The following GRM7 variants were observed in gnomAD, a reference collection of about 807,000 sequenced individuals.
GRM7 encodes the protein glutamate metabotropic receptor 7.
In GRM7, 35 loss-of-function variants were observed where a neutral mutation model predicts 84.5. That is an observed-to-expected ratio of 0.41 (90% CI 0.32 to 0.55). The LOEUF is 0.55. GRM7 is among the 20% of genes least tolerant of loss of function. The pLI is 0.19. For missense variants in GRM7, 1,003 were observed against 1,194.6 expected (o/e 0.84, Z 2.36); for synonymous variants, 487 against 455.1 (o/e 1.07, Z -0.89).
At chr3:6,949,260 A>G (rs937340678) in intron 1 of GRM7, among the ~76,000 whole-genome samples, 40 of 152,192 alleles carry the variant, frequency 2.6e-4, no homozygotes, top group African/African-American at 9.7e-4. Flanking sequence ...GGTGGTGACA[A>G]AATCTCTCAG....
intron 1 of GRM7, among the ~76,000 whole-genome samples, chr3:7,056,300 C>A (rs1476575644): frequency 6.6e-6 from 1 of 151,980 alleles, no homozygotes; most frequent in African/African-American, 2.4e-5. Flanking sequence ...TGGTCAGTTT[C>A]TTTGCAGTTT....
chr3:7,247,509 G>A (rs1697811845), intron 2 of GRM7, among the ~76,000 whole-genome samples: 1 of 151,048 alleles, frequency 6.6e-6, no homozygotes, highest in African/African-American at 2.4e-5. Context: ...TGAGACAGGA[G>A]GATAACTTGA....
chr3:6,999,743 T>C (rs1694945708), intron 1 of GRM7, among the ~76,000 whole-genome samples: 1 of 152,068 alleles, frequency 6.6e-6, no homozygotes. Context: ...AAAAGCCCCT[T>C]ATAAAACCAC....
At chr3:7,593,533 C>G (rs965749168) in intron 8 of GRM7, among the ~76,000 whole-genome samples, 1 of 152,186 alleles carries the variant, frequency 6.6e-6, no homozygotes, top group African/African-American at 2.4e-5. Context: ...CTTACCTGGA[C>G]TCCTGTATTA....
At chr3:7,642,383 C>A (rs1698404706) in intron 8 of GRM7, among the ~76,000 whole-genome samples, 2 of 152,110 alleles carry the variant, frequency 1.3e-5, no homozygotes, top group Admixed American at 6.5e-5. Context: ...GCATATCGTG[C>A]ACTCTCATAG....
chr3:7,015,330 A>G (rs963614394), intron 1 of GRM7, among the ~76,000 whole-genome samples: 4 of 152,156 alleles, frequency 2.6e-5, no homozygotes, highest in African/African-American at 7.2e-5. Context: ...GAAGGAACCA[A>G]CTGTGGATGC....
At chr3:6,925,068 G>A (rs62235402) in intron 1 of GRM7, among the ~76,000 whole-genome samples, 11,070 of 152,216 alleles carry the variant, frequency 0.073, 555 homozygotes, top group Non-Finnish European at 0.11. Flanking sequence ...AGATATGAGT[G>A]GGGAGAATGG....
intron 8 of GRM7, among the ~76,000 whole-genome samples, chr3:7,652,701 T>C (rs1457428340): frequency 1.3e-5 from 2 of 152,212 alleles, no homozygotes; most frequent in Non-Finnish European, 2.9e-5. Flanking sequence ...AAACCACCCA[T>C]TATGGTTGGC....
intron 3 of GRM7, among the ~76,000 whole-genome samples, chr3:7,301,255 C>T (rs954431037): frequency 6.6e-6 from 1 of 152,106 alleles, no homozygotes; most frequent in African/African-American, 2.4e-5. Context: ...AGAACTGATC[C>T]TGATTCTGAT....
intron 1 of GRM7, among the ~76,000 whole-genome samples, chr3:6,864,760 G>A (rs1422268670): frequency 1.3e-5 from 2 of 152,190 alleles, no homozygotes; most frequent in African/African-American, 2.4e-5. Flanking sequence ...GAGCACTGAA[G>A]GGAAGGAGGG....
At chr3:6,870,506 C>T (rs75251995) in intron 1 of GRM7, among the ~76,000 whole-genome samples, 2,547 of 152,190 alleles carry the variant, frequency 0.017, 34 homozygotes, top group Non-Finnish European at 0.025. Context: ...GCAAGGCCAT[C>T]GCAGGCATTT....
At chr3:7,523,282 A>C (rs893417495) in intron 7 of GRM7, among the ~76,000 whole-genome samples, 3 of 152,108 alleles carry the variant, frequency 2.0e-5, no homozygotes, top group Non-Finnish European at 4.4e-5. Context: ...GGGGCAATTG[A>C]TATACAGAAA....
intron 4 of GRM7, among the ~76,000 whole-genome samples, chr3:7,403,751 A>G (rs2125162904): frequency 6.6e-6 from 1 of 150,630 alleles, no homozygotes; most frequent in African/African-American, 2.4e-5. Context: ...ATATGTGAAT[A>G]TATTTGTATA....
At chr3:7,204,279 T>C (rs1346621043) in intron 2 of GRM7, among the ~76,000 whole-genome samples, 1 of 152,176 alleles carries the variant, frequency 6.6e-6, no homozygotes, top group African/African-American at 2.4e-5. Context: ...GGAGGAGAGA[T>C]GATCTCTTTC....
At chr3:7,415,272 T>G (rs946553225) in intron 5 of GRM7, 109 bp downstream of exon 5, 1 of 934,422 alleles carries the variant, frequency 1.1e-6, no homozygotes, top group Non-Finnish European at 1.6e-6. Flanking sequence ...AAAAAGTAAA[T>G]TAAATTTTAC....
intron 8 of GRM7, among the ~76,000 whole-genome samples, chr3:7,580,481 G>T (rs1307339708): frequency 6.6e-6 from 1 of 152,152 alleles, no homozygotes; most frequent in South Asian, 2.1e-4. Flanking sequence ...GTGTATCCAG[G>T]AATTAGATTA....
At chr3:7,067,085 A>G (rs558042462) in intron 1 of GRM7, among the ~76,000 whole-genome samples, 1 of 152,080 alleles carries the variant, frequency 6.6e-6, no homozygotes, top group African/African-American at 2.4e-5. Context: ...GGAAAAGTTA[A>G]AAGCATTCCC....
At chr3:7,538,793 A>G (rs1034378110) in intron 7 of GRM7, among the ~76,000 whole-genome samples, 3 of 152,178 alleles carry the variant, frequency 2.0e-5, no homozygotes, top group African/African-American at 7.2e-5. Context: ...CGCAGGTGCA[A>G]CCTATCATGG....
chr3:6,961,137 A>G (rs972074466), intron 1 of GRM7, among the ~76,000 whole-genome samples: 6 of 152,162 alleles, frequency 3.9e-5, no homozygotes, highest in Non-Finnish European at 1.5e-5. Context: ...TCAGCCACTC[A>G]TTCCTTTGGA....
Sources: gnomAD v4.1 joint callset for allele counts (sites outside exome capture counted in the v4.1 genomes callset) on GRCh38, gnomAD v4.1.1 for gene constraint, MANE v1.5 for transcripts, NCBI Gene and HGNC (gene_info 2026-07-23, HGNC 2026-07-21) for gene names.